The following SUSD4 variants were observed in gnomAD, a reference collection of about 807,000 sequenced individuals.
The protein encoded by SUSD4 is sushi domain-containing protein 4.
In SUSD4, 41 loss-of-function variants were observed where a neutral mutation model predicts 50.5. The observed-to-expected ratio is 0.81, with a 90% CI of 0.63 to 1.05. The LOEUF (loss-of-function observed/expected upper bound fraction) is 1.05, where lower values mean the gene tolerates loss of function less well. Among genes scored for constraint, SUSD4 ranks in the 50% least tolerant of loss-of-function variants. The pLI is 0.00. For missense variants in SUSD4, 580 were observed against 634.7 expected (o/e 0.91, Z 0.93); for synonymous variants, 257 against 257.3 (o/e 1.00, Z 0.01).
At chr1:223,314,595 G>A (rs987812683) in intron 2 of SUSD4, among the ~76,000 whole-genome samples, 2 of 152,098 alleles carry the variant, frequency 1.3e-5, no homozygotes, top group African/African-American at 2.4e-5. Flanking sequence ...GTTATGGGAG[G>A]GACCTGGTGG....
chr1:223,325,198 A>G (rs1434401106), intron 2 of SUSD4, among the ~76,000 whole-genome samples: 1 of 152,202 alleles, frequency 6.6e-6, no homozygotes, highest in African/African-American at 2.4e-5. Context: ...CAGTGTGCTG[A>G]GGTCTTTATT....
chr1:223,327,738 T>A (rs899990165), intron 2 of SUSD4, among the ~76,000 whole-genome samples: 2 of 152,218 alleles, frequency 1.3e-5, no homozygotes, highest in African/African-American at 4.8e-5. Context: ...CCAGGCATAA[T>A]GAGCAAAGCA....
chr1:223,282,448 GACAA>G (rs1384963751), intron 3 of SUSD4, among the ~76,000 whole-genome samples: 1 of 152,212 alleles, frequency 6.6e-6, no homozygotes, highest in East Asian at 1.9e-4. Context: ...ACCAATAACA[GACAA>G]ACAGAGAGCC....
intron 2 of SUSD4, among the ~76,000 whole-genome samples, chr1:223,337,396 G>A (rs1667518923): frequency 6.6e-6 from 1 of 152,202 alleles, no homozygotes; most frequent in Non-Finnish European, 1.5e-5. Flanking sequence ...GCACTTTATA[G>A]AGCCTACCCA....
intron 3 of SUSD4, among the ~76,000 whole-genome samples, chr1:223,290,755 AC>A (rs1406727683): frequency 8.3e-6 from 1 of 120,078 alleles, no homozygotes; most frequent in East Asian, 2.9e-4. Context: ...GTGATTTCTC[AC>A]CCCCTTTCTT....
intron 3 of SUSD4, among the ~76,000 whole-genome samples, chr1:223,286,651 C>G (rs1558216257): frequency 6.6e-6 from 1 of 152,220 alleles, no homozygotes; most frequent in Non-Finnish European, 1.5e-5. Flanking sequence ...GGCCAAGTGA[C>G]TAAAGAAGAC....
chr1:223,305,086 G>A (rs1665451968), intron 2 of SUSD4, among the ~76,000 whole-genome samples: 1 of 151,800 alleles, frequency 6.6e-6, no homozygotes, highest in South Asian at 2.1e-4. Flanking sequence ...TGGCCACAAG[G>A]TCAAGCTATG....
intron 4 of SUSD4, among the ~76,000 whole-genome samples, chr1:223,265,026 G>T (rs1662391957): frequency 6.6e-6 from 1 of 152,232 alleles, no homozygotes; most frequent in Admixed American, 6.5e-5. Context: ...ATTTGAAAAT[G>T]GCACCAAGAG....
At chr1:223,325,606 A>G (rs1277175880) in intron 2 of SUSD4, among the ~76,000 whole-genome samples, 1 of 152,212 alleles carries the variant, frequency 6.6e-6, no homozygotes, top group African/African-American at 2.4e-5. Flanking sequence ...TGATATTATC[A>G]TATATCTAGA....
In SUSD4 at chr1:223,289,316, G is replaced by C. The variant is rs1057301105; in HGVS notation, c.361+3123C>G. The C allele has an allele frequency of 2.1e-5, 21 of 985,120 alleles. No individual in the cohort carries two copies. In the African/African-American group the frequency reaches 3.7e-4, roughly 17 times the overall value. The allele number at this position is 985,120 out of a possible 1,614,324, so 61.0% of individuals were successfully genotyped here. A position where few individuals can be genotyped will look rare whatever the true frequency, so the allele number is the denominator to read the frequency against. On this transcript the variant is annotated intron_variant, in intron 3 of 8. Coordinates refer to ENST00000366878, the MANE Select transcript of SUSD4 (RefSeq NM_017982.4). ...AGACATCTCTGAGGTTGGAGACTTT[G>C]GGGGCCATAAAGTGAATTCATTCAG... is the stretch of plus-strand genomic sequence containing the variant.
chr1:223,222,268 A>G (rs764720653), intron 8 of SUSD4, 48 bp from the exon 9 acceptor site: 1 of 1,585,956 alleles, frequency 6.3e-7, no homozygotes, highest in South Asian at 1.1e-5. Flanking sequence ...AGAAAACACC[A>G]TGACGATCTG....
At chr1:223,358,701 T>A (rs557386019) in intron 2 of SUSD4, 1 of 156,582 alleles carries the variant, frequency 6.4e-6, no homozygotes, top group South Asian at 1.9e-4. Context: ...CTACTTGTTA[T>A]ATGAAATCCT....
At chr1:223,314,592 G>A (rs1666069508) in intron 2 of SUSD4, among the ~76,000 whole-genome samples, 1 of 152,134 alleles carries the variant, frequency 6.6e-6, no homozygotes, top group African/African-American at 2.4e-5. Flanking sequence ...CATGTTATGG[G>A]AGGGACCTGG....
chr1:223,273,507 A>T (rs1322296454), intron 3 of SUSD4, among the ~76,000 whole-genome samples: 1 of 152,222 alleles, frequency 6.6e-6, no homozygotes, highest in Admixed American at 6.5e-5. Context: ...CGCTAGACAG[A>T]TTATGCCAAC....
At chr1:223,234,522 A>G (rs573855369) in intron 5 of SUSD4, among the ~76,000 whole-genome samples, 46 of 152,150 alleles carry the variant, frequency 3.0e-4, no homozygotes, top group Non-Finnish European at 5.4e-4. Flanking sequence ...CTTGATAAAC[A>G]TTTGCTATTT....
chr1:223,250,397 C>T (rs1202563341), intron 5 of SUSD4, among the ~76,000 whole-genome samples: 1 of 152,206 alleles, frequency 6.6e-6, no homozygotes, highest in Non-Finnish European at 1.5e-5. Flanking sequence ...CATTATGTCA[C>T]TCAATCCTAA....
intron 3 of SUSD4, among the ~76,000 whole-genome samples, chr1:223,274,906 T>C (rs1558204230): frequency 6.6e-6 from 1 of 152,318 alleles, no homozygotes; most frequent in Middle Eastern, 3.4e-3. Flanking sequence ...TAGAAATGAA[T>C]AGTTAGAAAA....
In SUSD4 at chr1:223,253,158, C is replaced by T. The variant is rs117748582; in HGVS notation, c.724+11472G>A. Among the ~76,000 whole-genome samples the T allele has an allele frequency of 5.1e-3, 778 of 151,578 alleles. 33 individuals are homozygous for T. The East Asian group carries it at 0.11, about 22-fold the overall frequency. On this transcript the variant is annotated intron_variant, in intron 5 of 8. Coordinates refer to ENST00000366878, the MANE Select transcript of SUSD4 (RefSeq NM_017982.4). Reference sequence around the variant, plus strand: ...TGTCATCCATCAAAGAACAAACTGGCCAGAATGTAAACAAAGTCCTGGACT... The same window carrying T: ...TGTCATCCATCAAAGAACAAACTGGTCAGAATGTAAACAAAGTCCTGGACT...
chr1:223,251,694 G>A (rs556407488), intron 5 of SUSD4, among the ~76,000 whole-genome samples: 27 of 152,252 alleles, frequency 1.8e-4, no homozygotes, highest in African/African-American at 6.3e-4. Flanking sequence ...GCTATTGTGA[G>A]TAGTGCCACA....
Sources: gnomAD v4.1 joint callset for allele counts (sites outside exome capture counted in the v4.1 genomes callset) on GRCh38, gnomAD v4.1.1 for gene constraint, MANE v1.5 for transcripts, NCBI Gene and HGNC (gene_info 2026-07-23, HGNC 2026-07-21) for gene names.